Variants in OXR1 observed in about 807,000 individuals in gnomAD.
OXR1 encodes oxidation resistance protein 1.
Under a neutral mutation model 104.6 loss-of-function variants are expected in OXR1, and 41 were observed. That is an observed-to-expected ratio of 0.39 (90% confidence interval 0.31 to 0.51). The LOEUF (loss-of-function observed/expected upper bound fraction) is 0.51, where lower values mean the gene tolerates loss of function less well. OXR1 is among the 20% of genes least tolerant of loss of function. The pLI is 0.77. For missense variants in OXR1, 955 were observed against 1,031.9 expected, an observed-to-expected ratio of 0.93 and a Z score of 1.02; for synonymous variants, 348 against 348.4, an observed-to-expected ratio of 1.00 and a Z score of 0.01.
At chr8:106,549,698 A>C (rs1815654113) in intron 3 of OXR1, among the ~76,000 whole-genome samples, 1 of 152,156 alleles carries the variant, frequency 6.6e-6, no homozygotes, top group Non-Finnish European at 1.5e-5. Flanking sequence ...TGATTCATAG[A>C]TGACTGTCTT....
At chr8:106,419,542 G>A (rs1227986832) in intron 2 of OXR1, among the ~76,000 whole-genome samples, 2 of 152,148 alleles carry the variant, frequency 1.3e-5, no homozygotes, top group African/African-American at 4.8e-5. Flanking sequence ...GAGCCTGTGA[G>A]ACTTGTTATC....
chr8:106,384,307 C>A (rs1216262996), intron 2 of OXR1, among the ~76,000 whole-genome samples: 1 of 152,032 alleles, frequency 6.6e-6, no homozygotes, highest in African/African-American at 2.4e-5. Flanking sequence ...TTATGATCAC[C>A]CATTCACAGA....
chr8:106,379,590 G>A (rs1165338037), intron 2 of OXR1, among the ~76,000 whole-genome samples: 13 of 136,636 alleles, frequency 9.5e-5, no homozygotes, highest in Non-Finnish European at 1.4e-4. Context: ...CCCGACTAGA[G>A]GGCAGTAGTG....
chr8:106,347,907 T>A (rs1338834110), intron 1 of OXR1, among the ~76,000 whole-genome samples: 1 of 152,188 alleles, frequency 6.6e-6, no homozygotes, highest in African/African-American at 2.4e-5. Flanking sequence ...CACAGATAGG[T>A]AAACCGTAAC....
intron 3 of OXR1, among the ~76,000 whole-genome samples, chr8:106,520,115 C>A (rs1016983676): frequency 6.6e-6 from 1 of 152,130 alleles, no homozygotes; most frequent in Non-Finnish European, 1.5e-5. Context: ...ATGGGTTAAC[C>A]AGTGTTACAT....
At chr8:106,330,603 G>T (rs1421019790) in intron 1 of OXR1, among the ~76,000 whole-genome samples, 1 of 152,314 alleles carries the variant, frequency 6.6e-6, no homozygotes, top group South Asian at 2.1e-4. Context: ...GTTTTGGGGA[G>T]TTTTGGATGG....
intron 3 of OXR1, among the ~76,000 whole-genome samples, chr8:106,520,025 C>T (rs1328150851): frequency 6.6e-6 from 1 of 151,950 alleles, no homozygotes; most frequent in Admixed American, 6.6e-5. Context: ...AAGAGTGTGG[C>T]TGCTTTGGCC....
intron 11 of OXR1, among the ~76,000 whole-genome samples, chr8:106,718,621 C>T (rs911901017): frequency 7.9e-5 from 12 of 152,012 alleles, no homozygotes; most frequent in Non-Finnish European, 1.5e-4. Flanking sequence ...AGGTGGATCA[C>T]GAGGTCAGGA....
intron 2 of OXR1, among the ~76,000 whole-genome samples, chr8:106,435,088 G>A (rs1052899542): frequency 3.9e-5 from 6 of 152,150 alleles, no homozygotes; most frequent in African/African-American, 1.4e-4. Flanking sequence ...CTGAATGAGG[G>A]ATCACTGTGC....
chr8:106,726,715 A>T (rs570737222), intron 11 of OXR1, among the ~76,000 whole-genome samples: 1 of 152,286 alleles, frequency 6.6e-6, no homozygotes, highest in African/African-American at 2.4e-5. Flanking sequence ...GATATTGTTT[A>T]CTTAAGGGTA....
chr8:106,652,490 A>T (rs1824671778), intron 3 of OXR1, among the ~76,000 whole-genome samples: 1 of 151,266 alleles, frequency 6.6e-6, no homozygotes, highest in Non-Finnish European at 1.5e-5. Context: ...ATTCACAAAC[A>T]TGTGGAAATT....
At chr8:106,619,142 A>G (rs567592584) in intron 3 of OXR1, among the ~76,000 whole-genome samples, 7 of 152,300 alleles carry the variant, frequency 4.6e-5, no homozygotes, top group African/African-American at 9.6e-5. Flanking sequence ...TTTTTCCTCA[A>G]TCACAAGCAA....
At chr8:106,501,280 C>G (rs575413011) in intron 2 of OXR1, among the ~76,000 whole-genome samples, 3 of 152,288 alleles carry the variant, frequency 2.0e-5, no homozygotes, top group Admixed American at 1.3e-4. Context: ...ACTGCCACCA[C>G]GCCTGGCTTG....
intron 3 of OXR1, among the ~76,000 whole-genome samples, chr8:106,644,168 A>G (rs1329490205): frequency 6.6e-6 from 1 of 152,174 alleles, no homozygotes; most frequent in Non-Finnish European, 1.5e-5. Context: ...CATTCTCCCC[A>G]TTTTGCTTTT....
chr8:106,488,702 T>C (rs1370116981), intron 2 of OXR1, among the ~76,000 whole-genome samples: 10 of 143,484 alleles, frequency 7.0e-5, no homozygotes, highest in Non-Finnish European at 1.2e-4. Context: ...ATTGCTTGTT[T>C]TTCTCAGGTT....
intron 2 of OXR1, among the ~76,000 whole-genome samples, chr8:106,429,153 T>C (rs1819257821): frequency 6.6e-6 from 1 of 152,104 alleles, no homozygotes; most frequent in African/African-American, 2.4e-5. Context: ...CTATGTGATC[T>C]TTCTATGACC....
At chr8:106,353,862 ATT>A (rs149041052) in intron 1 of OXR1, among the ~76,000 whole-genome samples, 17,869 of 151,970 alleles carry the variant, frequency 0.12, 1,098 homozygotes, top group South Asian at 0.17. Context: ...GTCTAACTGA[ATT>A]TTTTGTGTCA....
At chr8:106,289,502 G>T (rs140297343) in intron 1 of OXR1, among the ~76,000 whole-genome samples, 9 of 152,308 alleles carry the variant, frequency 5.9e-5, no homozygotes, top group African/African-American at 2.2e-4. Flanking sequence ...ACTGCTGGAA[G>T]AAATCAGAGA....
Position 106,359,644 on chromosome 8 carries a change from A to G in OXR1, c.23+8A>G, listed in dbSNP as rs1816153645. The G allele has an allele frequency of 1.3e-6, 2 of 1,541,180 alleles. No individual in the cohort carries two copies. Among genetic ancestry groups the G allele is most frequent in the Admixed American group, 2.0e-5 (1 of 50,968 alleles). On this transcript the variant is annotated splice_region_variant and intron_variant, in intron 2 of 16. Transcript: ENST00000517566. ...TGTGTCTAATCTATCATGGTGAGTG[A>G]ATGGTTTTCTTGCCTTAAATGTAAA... is the stretch of plus-strand genomic sequence containing the variant.
Sources: allele counts gnomAD v4.1 joint callset (sites outside exome capture counted in the v4.1 genomes callset), GRCh38; gene constraint gnomAD v4.1.1; transcripts MANE v1.5; gene names NCBI Gene and HGNC (gene_info 2026-07-23, HGNC 2026-07-21).